Variants in SNX13 observed in about 807,000 individuals in gnomAD.
SNX13 encodes sorting nexin 13, also known as sorting nexin-13.
In SNX13, 45 loss-of-function variants were observed where a neutral mutation model predicts 133.6. That is an observed-to-expected ratio of 0.34 (90% CI 0.27 to 0.43). SNX13 has a LOEUF of 0.43. SNX13 is among the 20% of genes least tolerant of loss of function. The pLI is 1.00. For missense variants in SNX13, 1,032 were observed against 1,145.1 expected, an observed-to-expected ratio of 0.90 and a Z score of 1.43; for synonymous variants, 414 against 373.9, an observed-to-expected ratio of 1.11 and a Z score of -1.24.
At chr7:17,829,560 T>A (rs1788255352) in intron 16 of SNX13, among the ~76,000 whole-genome samples, 1 of 151,360 alleles carries the variant, frequency 6.6e-6, no homozygotes, top group Non-Finnish European at 1.5e-5. Flanking sequence ...AGTGTAGACT[T>A]AAAGAAATAT....
chr7:17,820,832 A>C (rs1192838168), intron 18 of SNX13, among the ~76,000 whole-genome samples: 1 of 152,148 alleles, frequency 6.6e-6, no homozygotes, highest in Admixed American at 6.6e-5. Context: ...AAAATAAGTT[A>C]AAATAAATTT....
chr7:17,852,078 T>G (rs1791279004), intron 9 of SNX13, among the ~76,000 whole-genome samples: 1 of 152,092 alleles, frequency 6.6e-6, no homozygotes, highest in Non-Finnish European at 1.5e-5. Flanking sequence ...AGTAAAGAAG[T>G]GTTTTAAAAA....
At chr7:17,873,223 G>A (rs1439053707) in intron 8 of SNX13, among the ~76,000 whole-genome samples, 1 of 152,092 alleles carries the variant, frequency 6.6e-6, no homozygotes, top group African/African-American at 2.4e-5. Context: ...TCATAATAAT[G>A]CTAAGACATT....
At chr7:17,829,856 G>C (rs1766947553) in intron 16 of SNX13, among the ~76,000 whole-genome samples, 154 bp downstream of exon 16, 1 of 151,098 alleles carries the variant, frequency 6.6e-6, no homozygotes, top group African/African-American at 2.4e-5. Context: ...CCTTATATGT[G>C]AACTTAGCAT....
chr7:17,929,907 G>A (rs1276102478), intron 1 of SNX13, among the ~76,000 whole-genome samples: 1 of 152,122 alleles, frequency 6.6e-6, no homozygotes, highest in Non-Finnish European at 1.5e-5. Context: ...AGTAAAAACT[G>A]AGATAGCAAG....
chr7:17,796,983 C>G, intron 24 of SNX13, 44 bp from the exon 25 acceptor site: 1 of 1,329,342 alleles, frequency 7.5e-7, no homozygotes, highest in South Asian at 1.2e-5. Context: ...TTTTCATTTT[C>G]TAATGATACA....
At chr7:17,850,112 GAATAA>G (rs929947584) in intron 11 of SNX13, among the ~76,000 whole-genome samples, 3 of 152,058 alleles carry the variant, frequency 2.0e-5, no homozygotes, top group African/African-American at 7.2e-5. Context: ...ATAAATCAAG[GAATAA>G]AATAAAATCT....
intron 17 of SNX13, among the ~76,000 whole-genome samples, chr7:17,825,718 T>C (rs1167036267): frequency 2.0e-5 from 3 of 152,124 alleles, no homozygotes; most frequent in Non-Finnish European, 2.9e-5. Flanking sequence ...ACGAGAATTA[T>C]ACAGACAACT....
intron 2 of SNX13, among the ~76,000 whole-genome samples, chr7:17,894,713 T>G (rs1161552622): frequency 6.6e-6 from 1 of 152,198 alleles, no homozygotes; most frequent in Admixed American, 6.5e-5. Context: ...AAAAAACATT[T>G]AATCTAATAA....
At chr7:17,832,116 G>A (rs1788559686) in intron 15 of SNX13, 1 of 983,614 alleles carries the variant, frequency 1.0e-6, no homozygotes, top group South Asian at 4.7e-5. Flanking sequence ...AAATGTGAGG[G>A]GTTACTCAAT....
chr7:17,807,511 T>A (rs966733773), intron 20 of SNX13, among the ~76,000 whole-genome samples: 1 of 152,180 alleles, frequency 6.6e-6, no homozygotes, highest in African/African-American at 2.4e-5. Context: ...ACAGAGCACC[T>A]GGTGAAAGGT....
In SNX13 at chr7:17,834,805, G is replaced by T; in HGVS notation, c.1420C>A (p.His474Asn). ...AAGATTTCAGGGGTTGGATCTTCAT[G>T]ATTCAAAGTATCTGCTAATTTTGCT... ...LVAKLADTLNHEDPTPEIFDD... is the reference protein window; with the variant it reads ...LVAKLADTLNNEDPTPEIFDD... Residue 474 changes from histidine to asparagine, a missense_variant, in exon 14 of 26, where the codon CAT becomes AAT. Coordinates refer to ENST00000428135, the MANE Select transcript of SNX13 (RefSeq NM_015132.5). 6.2e-7 allele frequency: 1 copy of T among 1,610,100 alleles called. No individual in the cohort carries two copies. The highest frequency in any genetic ancestry group is 8.5e-7 in the Non-Finnish European group (1 of 1,177,470).
chr7:17,832,410 TTAC>T (rs1788602119), intron 15 of SNX13: 1 of 984,510 alleles, frequency 1.0e-6, no homozygotes, highest in South Asian at 4.7e-5. Context: ...AAATTACACA[TTAC>T]TTAGAAGCCC....
chr7:17,923,000 T>C (rs1303818000), intron 1 of SNX13, among the ~76,000 whole-genome samples: 1 of 152,226 alleles, frequency 6.6e-6, no homozygotes, highest in Non-Finnish European at 1.5e-5. Flanking sequence ...AAAAAATGCA[T>C]TGCAAATAAT....
At chr7:17,830,745 C>G (rs1788398054) in intron 15 of SNX13, 1 of 976,888 alleles carries the variant, frequency 1.0e-6, no homozygotes, top group African/African-American at 1.8e-5. Flanking sequence ...AATTAAGTTA[C>G]CAATTAAGGT....
At chr7:17,797,745 C>G (rs1784213854) in intron 24 of SNX13, among the ~76,000 whole-genome samples, 1 of 151,728 alleles carries the variant, frequency 6.6e-6, no homozygotes, top group Admixed American at 6.6e-5. Flanking sequence ...AATCACCACT[C>G]CAGAGGAACA....
intron 20 of SNX13, among the ~76,000 whole-genome samples, chr7:17,806,624 T>C (rs766669479): frequency 6.6e-6 from 1 of 151,710 alleles, no homozygotes; most frequent in Non-Finnish European, 1.5e-5. Flanking sequence ...GAAAGATAGG[T>C]AGACGCCATT....
In SNX13 at chr7:17,888,827, T is replaced by C. The variant is rs920681695; in HGVS notation, c.440+1536A>G. On this transcript the variant is annotated intron_variant, in intron 5 of 25. Transcript: ENST00000428135. ...AGAACAGGGCAGTTATTATTACACT[T>C]ATTTTACATATGAGAAAAACCAAGG... 20 of 431,866 alleles carry C rather than the reference T, an allele frequency of 4.6e-5. No homozygotes were observed. In the Admixed American group the frequency reaches 5.4e-4, roughly 12 times the overall value. The allele number at this position is 431,866 out of a possible 1,614,324, so 26.8% of individuals were successfully genotyped here. A position where few individuals can be genotyped will look rare whatever the true frequency, so the allele number is the denominator to read the frequency against.
At position 17,861,018 on chromosome 7, in the gene SNX13, T is replaced by C. The variant is rs115705883; in HGVS notation, c.837+7389A>G. On this transcript the variant is annotated intron_variant, in intron 9 of 25. Transcript: ENST00000428135. ...TGAACATAGTATGTGTTTCCATTTA[T>C]TTGTGTCTTTTTTTTGTGATGGGGT... Among the ~76,000 whole-genome samples the C allele has an allele frequency of 6.5e-3, 992 of 152,240 alleles. 7 individuals carry two copies. Among genetic ancestry groups the C allele is most frequent in the African/African-American group, 0.022 (900 of 41,544 alleles).
Sources: gnomAD v4.1 joint callset for allele counts (sites outside exome capture counted in the v4.1 genomes callset) on GRCh38, gnomAD v4.1.1 for gene constraint, MANE v1.5 for transcripts, NCBI Gene and HGNC (gene_info 2026-07-23, HGNC 2026-07-21) for gene names.